HLTF: variants seen among roughly 807,000 people sequenced by gnomAD.
HLTF encodes helicase like transcription factor, also known as DNA-dependent ATPase/E3 ubiquitin-protein ligase HLTF.
A neutral mutation model predicts 129.4 loss-of-function variants in HLTF; 127 were observed. That is an observed-to-expected ratio of 0.98 (90% confidence interval 0.85 to 1.14). The LOEUF is 1.14. HLTF is among the 50% of genes most tolerant of loss of function. HLTF has a pLI of 0.00. For missense variants in HLTF, 1,139 were observed against 1,187.1 expected, an observed-to-expected ratio of 0.96 and a Z score of 0.60; for synonymous variants, 332 against 388.8, an observed-to-expected ratio of 0.85 and a Z score of 1.72.
chr3:149,050,392 A>T lies in HLTF; in HGVS notation c.1474-17T>A. The T allele has an allele frequency of 6.5e-7, 1 of 1,529,018 alleles. No individual in the cohort carries two copies. The highest frequency in any genetic ancestry group is 8.9e-7 in the Non-Finnish European group (1 of 1,126,204). 94.7% of individuals were successfully genotyped at this position (1,529,018 alleles called of 1,614,324 possible). On this transcript the variant is annotated splice_polypyrimidine_tract_variant and intron_variant, in intron 14 of 24. Coordinates refer to ENST00000310053, the MANE Select transcript of HLTF (RefSeq NM_003071.4). Reference sequence around the variant, plus strand: ...AAACTGGTCCTAAAGAAAAATTAGGAATATTTTTAACAATGAGCAGATTTG... The same window carrying T: ...AAACTGGTCCTAAAGAAAAATTAGGTATATTTTTAACAATGAGCAGATTTG...
intron 8 of HLTF, among the ~76,000 whole-genome samples, chr3:149,066,171 C>G (rs892777115): frequency 7.2e-5 from 11 of 152,120 alleles, no homozygotes; most frequent in African/African-American, 2.7e-4. Context: ...CTCAGCCTCC[C>G]AAGTAACTGA....
intron 7 of HLTF, among the ~76,000 whole-genome samples, chr3:149,070,791 C>A (rs1201539939): frequency 1.3e-5 from 2 of 152,054 alleles, no homozygotes; most frequent in Non-Finnish European, 2.9e-5. Context: ...ACATCTGTAA[C>A]CCCAGCACTT....
chr3:149,077,830 A>G (rs1330115458), intron 2 of HLTF, among the ~76,000 whole-genome samples: 1 of 152,116 alleles, frequency 6.6e-6, no homozygotes, highest in East Asian at 1.9e-4. Flanking sequence ...ATGCCCTAAC[A>G]TACAGAAGTT....
At chr3:149,080,548 A>G (rs183502472) in intron 2 of HLTF, among the ~76,000 whole-genome samples, 2 of 152,272 alleles carry the variant, frequency 1.3e-5, no homozygotes, top group East Asian at 3.9e-4. Flanking sequence ...CACTGCCTAC[A>G]GGATGATCTT....
chr3:149,078,507 G>A lies in HLTF; in HGVS notation c.229-2460C>T, dbSNP rs1010989391. 4.6e-5 allele frequency among the ~76,000 whole-genome samples: 7 copies of A among 152,158 alleles called. No individual in the cohort carries two copies. In the East Asian group the frequency reaches 9.7e-4, roughly 21 times the overall value. On this transcript the variant is annotated intron_variant, in intron 2 of 24. Transcript: ENST00000310053. ...CAAGGTTACAGTGAGCTATGATCAC[G>A]CCACTGCACTCCAGCCTGGGTAATA...
At chr3:149,037,663 A>G (rs1390799390) in intron 23 of HLTF, among the ~76,000 whole-genome samples, 2 of 152,178 alleles carry the variant, frequency 1.3e-5, no homozygotes, top group African/African-American at 2.4e-5. Context: ...ACTAAAATTT[A>G]TATCTCAGTA....
intron 22 of HLTF, 141 bp from the exon 23 acceptor site, chr3:149,039,370 T>C (rs1715923418): frequency 5.9e-6 from 4 of 682,788 alleles, no homozygotes; most frequent in African/African-American, 3.7e-5. Flanking sequence ...ATTAATATGC[T>C]AGGCACTGAG....
chr3:149,055,304 A>G lies in HLTF; in HGVS notation c.1472T>C (p.Ile491Thr), dbSNP rs998792177. 14 of 1,604,854 alleles carry G rather than the reference A, an allele frequency of 8.7e-6. No individual in the cohort carries two copies. Among genetic ancestry groups the G allele is most frequent in the Middle Eastern group, 1.6e-4 (1 of 6,064 alleles). Residue 491 changes from isoleucine (I) to threonine (T), a missense_variant and splice_region_variant, in exon 14 of 25, where the codon ATT (isoleucine) becomes ACT (threonine). Ile to Thr is a moderately conservative substitution (Grantham distance 89). Coordinates refer to ENST00000310053, the MANE Select transcript of HLTF (RefSeq NM_003071.4). ...ICPLSVLSNW[I>T]DQFGQHIKSD... Reference sequence around the variant, plus strand: ...TTTTTAAAGGGCTTAAAGACTTACAATCCAGTTGCTTAACACAGAAAGCGG... The same window carrying G: ...TTTTTAAAGGGCTTAAAGACTTACAGTCCAGTTGCTTAACACAGAAAGCGG...
At chr3:149,043,547 GAAAAAAAA>G (rs35953851) in intron 18 of HLTF, among the ~76,000 whole-genome samples, 7 of 83,680 alleles carry the variant, frequency 8.4e-5, no homozygotes, top group African/African-American at 2.8e-4. Flanking sequence ...ACTTCAGAGG[GAAAAAAAA>G]AAAAAAAAAA....
chr3:149,052,406 T>C (rs1237792146), intron 14 of HLTF, among the ~76,000 whole-genome samples: 1 of 151,798 alleles, frequency 6.6e-6, no homozygotes, highest in East Asian at 1.9e-4. Context: ...AATATAAAAG[T>C]TTCAAGAAAA....
intron 23 of HLTF, among the ~76,000 whole-genome samples, chr3:149,037,188 C>T (rs1029469725): frequency 3.3e-5 from 5 of 151,884 alleles, no homozygotes; most frequent in African/African-American, 7.3e-5. Flanking sequence ...TACAACAGAC[C>T]GGCTGGGCGC....
Position 149,039,237 on chromosome 3 carries a change from G to A in HLTF, c.2616-8C>T, listed in dbSNP as rs1411571113. On this transcript the variant is annotated splice_region_variant and splice_polypyrimidine_tract_variant and intron_variant, in intron 22 of 24. Coordinates refer to ENST00000310053, the MANE Select transcript of HLTF (RefSeq NM_003071.4). ...AACACAAATCCAGAGGCTCTAAAGG[G>A]GGGAAGAAAAGAGACAAGTAACAAA... 6.6e-7 allele frequency: 1 copy of A among 1,510,520 alleles called. No individual in the cohort carries two copies. The highest frequency in any genetic ancestry group is 8.9e-7 in the Non-Finnish European group (1 of 1,129,082). The allele number at this position is 1,510,520 out of a possible 1,614,324, so 93.6% of individuals were successfully genotyped here. A position where few individuals can be genotyped will look rare whatever the true frequency, so the allele number is the denominator to read the frequency against.
chr3:149,046,258 G>A lies in HLTF; in HGVS notation c.1894C>T (p.Arg632Cys), dbSNP rs371233960. 7.1e-5 allele frequency: 104 copies of A among 1,473,448 alleles called. No homozygotes were observed. The highest frequency in any genetic ancestry group is 1.8e-4 in the Middle Eastern group (1 of 5,654). The allele number at this position is 1,473,448 out of a possible 1,614,324, so 91.3% of individuals were successfully genotyped here. ...ATATTTTTAATTAGGGACTGTAAAC[G>A]CCTAATCAGAATAAAACAAATAATT... ...VTMGDEGGLRRLQSLIKNITL... is the reference protein window; with the variant it reads ...VTMGDEGGLRCLQSLIKNITL... Residue 632 changes from arginine to cysteine, a missense_variant and splice_region_variant, in exon 18 of 25, where the codon CGT (arginine) becomes TGT (cysteine). By Grantham distance (180) the Arg-to-Cys change is radical. Transcript: ENST00000310053.
intron 2 of HLTF, among the ~76,000 whole-genome samples, chr3:149,077,288 A>T (rs183264687): frequency 0.026 from 3,877 of 148,426 alleles, 82 homozygotes; most frequent in African/African-American, 0.058. Context: ...ATAAATAAAT[A>T]AATAAAAATA....
intron 23 of HLTF, among the ~76,000 whole-genome samples, chr3:149,035,964 T>G (rs889686565): frequency 6.6e-6 from 1 of 151,392 alleles, no homozygotes; most frequent in African/African-American, 2.4e-5. Context: ...TGAAACCCCA[T>G]CTCTACTAAA....
At chr3:149,032,657 G>A (rs189285592) in intron 24 of HLTF, among the ~76,000 whole-genome samples, 135 of 152,238 alleles carry the variant, frequency 8.9e-4, no homozygotes, top group African/African-American at 3.1e-3. Context: ...AATGACTTCA[G>A]CATTGTATTA....
intron 14 of HLTF, among the ~76,000 whole-genome samples, chr3:149,051,682 G>A (rs1019450488): frequency 4.6e-5 from 7 of 152,158 alleles, no homozygotes; most frequent in Non-Finnish European, 7.3e-5. Flanking sequence ...CCAACATGGC[G>A]AAACCCTGCC....
intron 5 of HLTF, among the ~76,000 whole-genome samples, chr3:149,072,451 T>C (rs113659904): frequency 2.0e-5 from 3 of 152,256 alleles, no homozygotes; most frequent in Non-Finnish European, 4.4e-5. Flanking sequence ...AATAAGGAAC[T>C]TGCCATGCAC....
chr3:149,055,242 C>T (rs1717320118), intron 14 of HLTF, 61 bp downstream of exon 14: 1 of 1,205,902 alleles, frequency 8.3e-7, no homozygotes, highest in East Asian at 2.4e-5. Flanking sequence ...TAACAGAATA[C>T]TTTCTACCTT....
Sources: allele counts gnomAD v4.1 joint callset (sites outside exome capture counted in the v4.1 genomes callset), GRCh38; gene constraint gnomAD v4.1.1; transcripts MANE v1.5; gene names NCBI Gene and HGNC (gene_info 2026-07-23, HGNC 2026-07-21).